Variants in PCDHGA5 observed in about 807,000 individuals in gnomAD.
The protein encoded by PCDHGA5 is protocadherin gamma subfamily A, 5, also known as protocadherin gamma-A5.
In PCDHGA5, 36 loss-of-function variants were observed where a neutral mutation model predicts 56.7. That is an observed-to-expected ratio of 0.64 (90% CI 0.49 to 0.84). The LOEUF (loss-of-function observed/expected upper bound fraction) is 0.84. Ranked by LOEUF, PCDHGA5 falls within the 40% of genes least tolerant of loss-of-function variation. PCDHGA5 has a pLI of 0.00. For synonymous variants in PCDHGA5, 563 were observed against 520.2 expected, an observed-to-expected ratio of 1.08 and a Z score of -1.12; for missense variants, 1,305 against 1,201.5, an observed-to-expected ratio of 1.09 and a Z score of -1.27.
Position 141,477,350 on chromosome 5 carries a change from A to G in PCDHGA5, c.2422-17457A>G. The G allele has an allele frequency of 6.2e-7, 1 of 1,614,142 alleles. No individual in the cohort carries two copies. Among genetic ancestry groups the G allele is most frequent in the Non-Finnish European group, 8.5e-7 (1 of 1,180,016 alleles). On this transcript the variant is annotated intron_variant, in intron 1 of 3. Transcript: ENST00000518069. The surrounding 1 kb of genome is among the most constrained non-coding windows in gnomAD (Gnocchi z 4.9). ...CAAGAATTACTTCACTTTGAAAACC[A>G]GTGCAGACCTGGATCGGGAGACTGT...
At chr5:141,497,142 C>T (rs1316569011) in intron 2 of PCDHGA5, among the ~76,000 whole-genome samples, 2 of 149,678 alleles carry the variant, frequency 1.3e-5, no homozygotes, top group South Asian at 2.1e-4. Context: ...GCTGAGATCA[C>T]GAAAAAAAAA....
intron 1 of PCDHGA5, chr5:141,383,089 GT>G: frequency 1.2e-6 from 2 of 1,613,932 alleles, no homozygotes; most frequent in Non-Finnish European, 1.7e-6. Context: ...GGAGCGCGGA[GT>G]CCGCATCATC....
Position 141,365,895 on chromosome 5 carries a change from A to G in PCDHGA5, c.1565A>G (p.Tyr522Cys). 6.2e-7 allele frequency: 1 copy of G among 1,614,212 alleles called. No individual in the cohort carries two copies. Among genetic ancestry groups the G allele is most frequent in the East Asian group, 2.2e-5 (1 of 44,892 alleles). ...CTGTATGCTCTGAGATCCTTCGACT[A>G]TGAGCAGTTGAGAGACCTACAGTTG... ...GVLYALRSFD[Y>C]EQLRDLQLWV... The change falls in exon 1 of 4, where the codon TAT (tyrosine) becomes TGT (cysteine). Residue 522 changes from tyrosine (Y) to cysteine (C), a missense_variant. Tyr to Cys is a radical substitution (Grantham distance 194). Transcript: ENST00000518069.
chr5:141,509,179 C>T (rs895281717), intron 3 of PCDHGA5, among the ~76,000 whole-genome samples: 1 of 152,172 alleles, frequency 6.6e-6, no homozygotes, highest in African/African-American at 2.4e-5. Flanking sequence ...TCCTCTTATG[C>T]CGGCTTGAAA....
intron 1 of PCDHGA5, chr5:141,433,272 C>G (rs1161817377): frequency 8.0e-7 from 1 of 1,252,412 alleles, no homozygotes; most frequent in Non-Finnish European, 1.1e-6. Flanking sequence ...TAGCTCACTG[C>G]AGCCTCAAAC....
chr5:141,395,209 A>G, intron 1 of PCDHGA5: 1 of 1,613,372 alleles, frequency 6.2e-7, no homozygotes, highest in Non-Finnish European at 8.5e-7. Flanking sequence ...GATTTTCATG[A>G]ATATAAGAAT....
In PCDHGA5 at chr5:141,419,577, C is replaced by A. The variant is rs1182305164; in HGVS notation, c.2421+52826C>A. ...CCTGCGCTGGGTCCCGACGGCTCCG[C>A]GCTCTTCGACACAGTGCCGCGGGCC... On this transcript the variant is annotated intron_variant, in intron 1 of 3. Coordinates refer to ENST00000518069, the MANE Select transcript of PCDHGA5 (RefSeq NM_018918.3). 3.1e-6 allele frequency: 5 copies of A among 1,611,732 alleles called. No individual in the cohort carries two copies. The South Asian group carries it at 5.5e-5, about 18-fold the overall frequency.
chr5:141,384,852 G>A, intron 1 of PCDHGA5: 1 of 1,613,646 alleles, frequency 6.2e-7, no homozygotes, highest in Non-Finnish European at 8.5e-7. Context: ...ACCACGGTCA[G>A]CCTCCTCTGT....
intron 1 of PCDHGA5, chr5:141,421,732 C>T: frequency 6.2e-7 from 1 of 1,613,934 alleles, no homozygotes; most frequent in Non-Finnish European, 8.5e-7. Flanking sequence ...GAACTCCCTC[C>T]AGAGCTACCA....
chr5:141,417,518 G>C (rs193231266), intron 1 of PCDHGA5: 8 of 257,454 alleles, frequency 3.1e-5, no homozygotes, highest in Non-Finnish European at 5.1e-5. Context: ...TATTTTGGCT[G>C]TCAACTCGTA....
At chr5:141,388,734 G>C in intron 1 of PCDHGA5, 1 of 1,614,018 alleles carries the variant, frequency 6.2e-7, no homozygotes, top group Non-Finnish European at 8.5e-7. Flanking sequence ...TTTCAGTGAA[G>C]CTAGCCAGAT....
At chr5:141,425,353 T>C (rs868017955) in intron 1 of PCDHGA5, among the ~76,000 whole-genome samples, 2 of 152,296 alleles carry the variant, frequency 1.3e-5, no homozygotes, top group Middle Eastern at 3.4e-3. Context: ...CTTTGAAATG[T>C]GATATTAAGA....
At chr5:141,457,933 TATTGGC>T (rs2098933012) in intron 1 of PCDHGA5, among the ~76,000 whole-genome samples, 2 of 152,206 alleles carry the variant, frequency 1.3e-5, no homozygotes, top group Non-Finnish European at 2.9e-5. Context: ...AAGGGGCTTT[TATTGGC>T]TCTGCATGTC....
rs758540898 is a variant in PCDHGA5 at position 141,400,450 on chromosome 5, A to G, written c.2421+33699A>G. The G allele has an allele frequency of 3.7e-6, 6 of 1,613,982 alleles. No homozygotes were observed. The African/African-American group carries it at 5.3e-5, about 14-fold the overall frequency. ...TGAGCAATTGAGTTCAGGACAAGAC[A>G]TACTTTGTGGTGATTCATCTGGGGC... On this transcript the variant is annotated intron_variant, in intron 1 of 3. Transcript: ENST00000518069.
chr5:141,397,491 A>G (rs1462298713), intron 1 of PCDHGA5, among the ~76,000 whole-genome samples: 1 of 152,230 alleles, frequency 6.6e-6, no homozygotes, highest in Non-Finnish European at 1.5e-5. Flanking sequence ...AAATGAACAG[A>G]AGAATGATAA....
At position 141,485,149 on chromosome 5, in the gene PCDHGA5, A is replaced by G; in HGVS notation, c.2422-9658A>G. 6.3e-7 allele frequency: 1 copy of G among 1,578,106 alleles called. No individual in the cohort carries two copies. Among genetic ancestry groups the G allele is most frequent in the South Asian group, 1.1e-5 (1 of 89,070 alleles). ...CGGCTTCATCCGCGTCTCAGGAGCA[A>G]GTAGAGAATTAGCGGGCGGCAGCAA... On this transcript the variant is annotated intron_variant, in intron 1 of 3. Transcript: ENST00000518069. This position sits in a 1 kb window ranked among gnomAD's most constrained non-coding sequence, Gnocchi z 5.7.
intron 1 of PCDHGA5, among the ~76,000 whole-genome samples, chr5:141,452,114 A>C (rs1443131264): frequency 1.3e-5 from 2 of 152,098 alleles, no homozygotes; most frequent in Admixed American, 1.3e-4. Flanking sequence ...TTCTCTTCTT[A>C]TTTATTCATA....
intron 1 of PCDHGA5, chr5:141,384,267 C>T (rs1170671342): frequency 6.2e-7 from 1 of 1,613,862 alleles, no homozygotes; most frequent in East Asian, 2.2e-5. Context: ...CCCACTCATC[C>T]TACTCAGTCT....
rs144317211 is a variant in PCDHGA5 at position 141,432,088 on chromosome 5, A to G, written c.2422-62719A>G. On this transcript the variant is annotated intron_variant, in intron 1 of 3. Transcript: ENST00000518069. This position sits in a 1 kb window ranked among gnomAD's most constrained non-coding sequence, Gnocchi z 6.0. Reference sequence around the variant, plus strand: ...AAACTCATATCTCGCTGAACGTGGCAGACACCAACGACAACCCGCCGGTCT... The same window carrying G: ...AAACTCATATCTCGCTGAACGTGGCGGACACCAACGACAACCCGCCGGTCT... The G allele has an allele frequency of 6.2e-7, 1 of 1,614,148 alleles. No individual in the cohort carries two copies. Among genetic ancestry groups the G allele is most frequent in the South Asian group, 1.1e-5 (1 of 91,074 alleles).
Sources: allele counts gnomAD v4.1 joint callset (sites outside exome capture counted in the v4.1 genomes callset), GRCh38; gene constraint gnomAD v4.1.1; non-coding constraint Gnocchi (gnomAD v3.1); transcripts MANE v1.5; gene names NCBI Gene and HGNC (gene_info 2026-07-23, HGNC 2026-07-21).